GRID2: variants seen among roughly 807,000 people sequenced by gnomAD.
GRID2 encodes glutamate ionotropic receptor delta type subunit 2.
A neutral mutation model predicts 114.8 loss-of-function variants in GRID2; 33 were observed. The ratio of observed to expected loss-of-function variants is 0.29; its 90% CI spans 0.22 to 0.38. The LOEUF (loss-of-function observed/expected upper bound fraction) is 0.38, where lower values mean the gene tolerates loss of function less well. Among genes scored for constraint, GRID2 ranks in the 10% least tolerant of loss-of-function variants. The pLI, the probability that GRID2 is intolerant of heterozygous loss-of-function variation, is 1.00. For synonymous variants in GRID2, 505 were observed against 449.9 expected (o/e 1.12, Z -1.55); for missense variants, 1,184 against 1,257.7 (o/e 0.94, Z 0.89).
chr4:93,497,066 G>A (rs1249715544), intron 12 of GRID2, among the ~76,000 whole-genome samples: 3 of 150,166 alleles, frequency 2.0e-5, no homozygotes, highest in African/African-American at 7.3e-5. Flanking sequence ...TTTTTTTTTA[G>A]CCTTGCTGAT....
At chr4:92,615,090 G>T in intron 2 of GRID2, among the ~76,000 whole-genome samples, 1 of 151,466 alleles carries the variant, frequency 6.6e-6, no homozygotes, top group Non-Finnish European at 1.5e-5. Context: ...AAAGTCTGGA[G>T]ACTAAAAGTC....
rs149195901 is a variant in GRID2 at position 93,546,754 on chromosome 4, T to C, written c.2193+31343T>C. Among the ~76,000 whole-genome samples the C allele has an allele frequency of 7.9e-5, 12 of 152,358 alleles. No homozygotes were observed. In the East Asian group the frequency reaches 2.3e-3, roughly 29 times the overall value. On this transcript the variant is annotated intron_variant, in intron 13 of 15. Coordinates refer to ENST00000282020, the MANE Select transcript of GRID2 (RefSeq NM_001510.4). ...CAGCGGAGTCATGTCCTGGCTTTTC[T>C]ATCAGAATACTCTTAGAGGACCATG...
intron 1 of GRID2, among the ~76,000 whole-genome samples, chr4:92,469,642 C>T (rs1372281616): frequency 6.6e-6 from 1 of 151,130 alleles, no homozygotes; most frequent in Non-Finnish European, 1.5e-5. Flanking sequence ...CGATTGTAAC[C>T]GATATCGGAT....
At chr4:93,157,331 T>C (rs945501994) in intron 4 of GRID2, among the ~76,000 whole-genome samples, 6 of 151,706 alleles carry the variant, frequency 4.0e-5, no homozygotes, top group African/African-American at 1.4e-4. Flanking sequence ...TCTTCCACGA[T>C]CTCTTCCTCT....
At position 92,853,904 on chromosome 4, in the gene GRID2, C is replaced by A. The variant is rs140537721; in HGVS notation, c.245-231091C>A. ...ACACATCGGGTACCATGCCTGCTTCCTGGGTGATGATATCTGTGCACCAAA... is the reference window on the plus strand; with the variant it reads ...ACACATCGGGTACCATGCCTGCTTCATGGGTGATGATATCTGTGCACCAAA... On this transcript the variant is annotated intron_variant, in intron 2 of 15. Transcript: ENST00000282020. 5.6e-3 allele frequency among the ~76,000 whole-genome samples: 848 copies of A among 151,686 alleles called. 14 individuals are homozygous for A. The highest frequency in any genetic ancestry group is 0.019 in the African/African-American group (806 of 41,430).
chr4:92,680,237 CAA>C (rs1256375951), intron 2 of GRID2, among the ~76,000 whole-genome samples: 3 of 151,970 alleles, frequency 2.0e-5, no homozygotes, highest in Non-Finnish European at 4.4e-5. Context: ...AGAATAGACA[CAA>C]GACAAATTCG....
intron 2 of GRID2, among the ~76,000 whole-genome samples, chr4:92,857,060 C>T (rs1391315553): frequency 2.0e-5 from 3 of 152,148 alleles, no homozygotes; most frequent in East Asian, 1.9e-4. Flanking sequence ...CCATTAACCA[C>T]GCCCATATGA....
intron 14 of GRID2, among the ~76,000 whole-genome samples, chr4:93,632,764 G>A (rs919996443): frequency 4.6e-5 from 7 of 152,100 alleles, no homozygotes; most frequent in Admixed American, 4.6e-4. Flanking sequence ...AAAGTCATTG[G>A]TAGCTTGATG....
chr4:92,527,857 G>A (rs78857166), intron 1 of GRID2, among the ~76,000 whole-genome samples: 2,210 of 151,888 alleles, frequency 0.015, 53 homozygotes, highest in African/African-American at 0.051. Context: ...TCCATTTTAT[G>A]TGAACATAGC....
At chr4:93,696,038 G>A (rs1377138398) in intron 14 of GRID2, among the ~76,000 whole-genome samples, 2 of 152,142 alleles carry the variant, frequency 1.3e-5, no homozygotes, top group Admixed American at 1.3e-4. Context: ...GCTTAAGATG[G>A]ATTTCTTATA....
intron 12 of GRID2, among the ~76,000 whole-genome samples, chr4:93,499,805 G>T (rs1047098425): frequency 1.3e-5 from 2 of 151,810 alleles, no homozygotes; most frequent in African/African-American, 4.8e-5. Context: ...TAAATACTTT[G>T]CATGGGTTTT....
chr4:92,666,746 G>C lies in GRID2; in HGVS notation c.244+76460G>C, dbSNP rs190075307. Among the ~76,000 whole-genome samples the C allele has an allele frequency of 2.9e-5, 4 of 138,852 alleles. No homozygotes were observed. In the East Asian group the frequency reaches 8.7e-4, roughly 30 times the overall value. 91.1% of individuals were successfully genotyped at this position (138,852 alleles called of 152,430 possible). A position where few individuals can be genotyped will look rare whatever the true frequency, so the allele number is the denominator to read the frequency against. On this transcript the variant is annotated intron_variant, in intron 2 of 15. Coordinates refer to ENST00000282020, the MANE Select transcript of GRID2 (RefSeq NM_001510.4). ...TAATTTTCCCGTATTTTCAGGTGCT[G>C]TGAATGTTTTAGTCTTTAATCTCTG...
chr4:92,902,775 G>A (rs1000201727), intron 2 of GRID2, among the ~76,000 whole-genome samples: 3 of 151,884 alleles, frequency 2.0e-5, no homozygotes, highest in Admixed American at 1.3e-4. Flanking sequence ...TGTTTTTGTC[G>A]ACTTTGTCAA....
intron 11 of GRID2, among the ~76,000 whole-genome samples, chr4:93,465,004 A>T (rs751945809): frequency 3.9e-5 from 6 of 152,196 alleles, no homozygotes; most frequent in Non-Finnish European, 8.8e-5. Flanking sequence ...CAACTTGGAT[A>T]TTAAACAAGA....
At chr4:93,228,905 G>T (rs1236430853) in intron 7 of GRID2, among the ~76,000 whole-genome samples, 3 of 152,132 alleles carry the variant, frequency 2.0e-5, no homozygotes, top group Admixed American at 6.6e-5. Flanking sequence ...TTTTCATGTA[G>T]AAATTCAATA....
chr4:92,827,541 C>A (rs1741808186), intron 2 of GRID2, among the ~76,000 whole-genome samples: 1 of 151,980 alleles, frequency 6.6e-6, no homozygotes, highest in African/African-American at 2.4e-5. Context: ...TATCTTCACA[C>A]TACTGGGTTT....
chr4:92,434,925 C>T (rs1234588193), intron 1 of GRID2, among the ~76,000 whole-genome samples: 1 of 152,084 alleles, frequency 6.6e-6, no homozygotes, highest in Non-Finnish European at 1.5e-5. Context: ...AGATTACTTG[C>T]TGTCGTTGAT....
intron 14 of GRID2, among the ~76,000 whole-genome samples, chr4:93,650,744 A>G (rs1428244248): frequency 6.6e-6 from 1 of 152,184 alleles, no homozygotes; most frequent in Non-Finnish European, 1.5e-5. Context: ...CAGTGCATGT[A>G]GAAAAATGTA....
At chr4:93,002,683 T>C (rs1721120250) in intron 2 of GRID2, among the ~76,000 whole-genome samples, 1 of 151,876 alleles carries the variant, frequency 6.6e-6, no homozygotes, top group African/African-American at 2.4e-5. Flanking sequence ...TCAGAGTTGA[T>C]TTGTTCATAT....
Sources: allele counts gnomAD v4.1 joint callset (sites outside exome capture counted in the v4.1 genomes callset), GRCh38; gene constraint gnomAD v4.1.1; transcripts MANE v1.5; gene names NCBI Gene and HGNC (gene_info 2026-07-23, HGNC 2026-07-21).